SHROOM4: variants seen among roughly 807,000 people sequenced by gnomAD.
The protein encoded by SHROOM4 is shroom family member 4.
A neutral mutation model predicts 80.3 loss-of-function variants in SHROOM4; 17 were observed. The ratio of observed to expected loss-of-function variants is 0.21; its 90% CI spans 0.14 to 0.32. SHROOM4 has a LOEUF of 0.32. Ranked by LOEUF, SHROOM4 falls within the 10% of genes least tolerant of loss-of-function variation. SHROOM4 has a pLI of 1.00. For missense variants in SHROOM4, 993 were observed against 1,140.3 expected (o/e 0.87, Z 1.86); for synonymous variants, 400 against 437.5 (o/e 0.91, Z 1.07).
rs1353616024 is a variant in SHROOM4, at chrX:50,799,625, T to C, written c.117+14277A>G. Among the ~76,000 whole-genome samples the C allele has an allele frequency of 3.6e-5, 4 of 112,110 alleles. No individual in the cohort carries two copies. The Admixed American group carries it at 3.8e-4, about 11-fold the overall frequency. On this transcript the variant is annotated intron_variant, in intron 1 of 8. Transcript: ENST00000376020. ...GACACTGGGTATAAATACCAGACAG[T>C]GACTCACATCCAAGGCCAGTCAGAC...
chrX:50,752,121 A>G (rs1934936225), intron 1 of SHROOM4, among the ~76,000 whole-genome samples: 1 of 111,930 alleles, frequency 8.9e-6, no homozygotes, highest in South Asian at 3.8e-4. Context: ...TTTTGTGCCC[A>G]ATATTATAGG....
At chrX:50,614,712 TC>T (rs1557250466) in intron 5 of SHROOM4, among the ~76,000 whole-genome samples, 1 of 112,069 alleles carries the variant, frequency 8.9e-6, no homozygotes, top group Admixed American at 9.4e-5. Flanking sequence ...TAGTTCAACT[TC>T]TAGGGATTTA....
intron 1 of SHROOM4, among the ~76,000 whole-genome samples, chrX:50,741,839 A>G (rs1266192605): frequency 3.6e-5 from 4 of 110,935 alleles, no homozygotes; most frequent in Non-Finnish European, 7.6e-5. Context: ...TACTTCATCT[A>G]GTGAAATGAT....
intron 1 of SHROOM4, among the ~76,000 whole-genome samples, chrX:50,724,735 C>A (rs1934207440): frequency 8.9e-6 from 1 of 112,638 alleles, no homozygotes; most frequent in Non-Finnish European, 1.9e-5. Context: ...CCTGCCTCAG[C>A]CTCCCAAAGG....
At chrX:50,802,303 T>C (rs1936140851) in intron 1 of SHROOM4, among the ~76,000 whole-genome samples, 1 of 111,929 alleles carries the variant, frequency 8.9e-6, no homozygotes, top group African/African-American at 3.3e-5. Flanking sequence ...GTTCCTAAAA[T>C]AATGCTTTGT....
chrX:50,756,900 A>G (rs1479120944), intron 1 of SHROOM4, among the ~76,000 whole-genome samples: 2 of 111,972 alleles, frequency 1.8e-5, no homozygotes, highest in Non-Finnish European at 3.8e-5. Context: ...TTTGTATGAT[A>G]TATGATTTAT....
At chrX:50,678,746 C>T (rs1406942867) in intron 2 of SHROOM4, among the ~76,000 whole-genome samples, 1 of 111,261 alleles carries the variant, frequency 9.0e-6, no homozygotes, top group East Asian at 2.8e-4. Context: ...TTCCTTCACT[C>T]TCACACTCAA....
At position 50,668,771 on chromosome X, in the gene SHROOM4, G is replaced by T. The variant is rs1434312781; in HGVS notation, c.269+27015C>A. Among the ~76,000 whole-genome samples the T allele has an allele frequency of 3.6e-5, 4 of 112,273 alleles. No homozygotes were observed. The East Asian group carries it at 1.1e-3, about 32-fold the overall frequency. On this transcript the variant is annotated intron_variant, in intron 2 of 8. Transcript: ENST00000376020. ...CAAAGAATTAGCAAGTCTTGGCAAA[G>T]ATGTAGAATATATAAAGAAGAACCA... is the stretch of plus-strand genomic sequence containing the variant.
At chrX:50,758,519 GA>G (rs1935084605) in intron 1 of SHROOM4, among the ~76,000 whole-genome samples, 1 of 112,121 alleles carries the variant, frequency 8.9e-6, no homozygotes, top group Admixed American at 9.4e-5. Context: ...TACATTCATT[GA>G]TTTTTTGCAT....
chrX:50,767,768 C>T (rs1204611151), intron 1 of SHROOM4, among the ~76,000 whole-genome samples: 2 of 110,507 alleles, frequency 1.8e-5, no homozygotes, highest in Non-Finnish European at 3.8e-5. Flanking sequence ...GAGCAAAACT[C>T]CTCTAGTCCA....
chrX:50,647,124 G>A (rs988102522), intron 2 of SHROOM4, among the ~76,000 whole-genome samples: 1 of 111,542 alleles, frequency 9.0e-6, no homozygotes, highest in Non-Finnish European at 1.9e-5. Context: ...TGCAGTACTC[G>A]GGATTCTCTT....
intron 2 of SHROOM4, among the ~76,000 whole-genome samples, chrX:50,691,693 C>G (rs1933225917): frequency 9.0e-6 from 1 of 111,685 alleles, no homozygotes; most frequent in Non-Finnish European, 1.9e-5. Context: ...AGGACTCAAG[C>G]CCAGACCTAA....
At chrX:50,793,500 A>T (rs1402917390) in intron 1 of SHROOM4, among the ~76,000 whole-genome samples, 1 of 107,838 alleles carries the variant, frequency 9.3e-6, no homozygotes, top group African/African-American at 3.4e-5. Context: ...ACATATGAAT[A>T]TACTTTCTGA....
At chrX:50,758,114 ATTT>A (rs1353950679) in intron 1 of SHROOM4, among the ~76,000 whole-genome samples, 1 of 111,649 alleles carries the variant, frequency 9.0e-6, no homozygotes, top group Admixed American at 9.6e-5. Flanking sequence ...CATAGAATTG[ATTT>A]TTTATGTTGA....
At chrX:50,699,933 C>T (rs1933473060) in intron 1 of SHROOM4, among the ~76,000 whole-genome samples, 1 of 112,402 alleles carries the variant, frequency 8.9e-6, no homozygotes, top group Non-Finnish European at 1.9e-5. Flanking sequence ...TTTAAAAATG[C>T]ATTCAGAGGA....
the SHROOM4 span, among the ~76,000 whole-genome samples, chrX:50,576,693 A>T: frequency 5.4e-5 from 6 of 110,704 alleles, no homozygotes; most frequent in African/African-American, 2.0e-4. Flanking sequence ...GATCACTTCA[A>T]TATTTTTAAA....
intron 1 of SHROOM4, among the ~76,000 whole-genome samples, chrX:50,799,015 C>T (rs1273348028): frequency 2.7e-5 from 3 of 112,142 alleles, no homozygotes; most frequent in Non-Finnish European, 5.6e-5. Flanking sequence ...CTCCAAATGA[C>T]CATGCTAGCA....
At position 50,779,395 on chromosome X, in the gene SHROOM4, A is replaced by T. The variant is rs1470476099; in HGVS notation, c.117+34507T>A. Among the ~76,000 whole-genome samples the T allele has an allele frequency of 5.3e-5, 6 of 112,416 alleles. No individual in the cohort carries two copies. The Admixed American group carries it at 5.6e-4, about 11-fold the overall frequency. On this transcript the variant is annotated intron_variant, in intron 1 of 8. Transcript: ENST00000376020. Reference sequence around the variant, plus strand: ...TATTTTGGGTGCCCAGATTTCAGAAAAGAAGGATTAGCATTGTAAGAACTC... The same window carrying T: ...TATTTTGGGTGCCCAGATTTCAGAATAGAAGGATTAGCATTGTAAGAACTC...
chrX:50,725,729 G>C (rs1557265832), intron 1 of SHROOM4, among the ~76,000 whole-genome samples: 1 of 112,650 alleles, frequency 8.9e-6, no homozygotes, highest in African/African-American at 3.2e-5. Flanking sequence ...ATGTGGAACT[G>C]TGAGTCAATT....
Sources: gnomAD v4.1 joint callset for allele counts (sites outside exome capture counted in the v4.1 genomes callset) on GRCh38, gnomAD v4.1.1 for gene constraint, MANE v1.5 for transcripts, NCBI Gene and HGNC (gene_info 2026-07-23, HGNC 2026-07-21) for gene names.